The following NRG1 variants were observed in gnomAD, a reference collection of about 807,000 sequenced individuals.
The protein encoded by NRG1 is neuregulin 1, also known as pro-neuregulin-1, membrane-bound isoform.
A neutral mutation model predicts 63.8 loss-of-function variants in NRG1; 18 were observed. The observed-to-expected ratio is 0.28, with a 90% confidence interval of 0.19 to 0.42. The LOEUF (loss-of-function observed/expected upper bound fraction) is 0.42, where lower values mean the gene tolerates loss of function less well. Ranked by LOEUF, NRG1 falls within the 10% of genes least tolerant of loss-of-function variation. The pLI is 1.00. For synonymous variants in NRG1, 302 were observed against 301.3 expected, an observed-to-expected ratio of 1.00 and a Z score of -0.02; for missense variants, 762 against 814.7, an observed-to-expected ratio of 0.94 and a Z score of 0.79.
At chr8:31,768,655 G>A (rs1342686788) in intron 1 of NRG1, among the ~76,000 whole-genome samples, 1 of 152,104 alleles carries the variant, frequency 6.6e-6, no homozygotes, top group Non-Finnish European at 1.5e-5. Context: ...GATTTCTGGT[G>A]GAATTCCTTT....
intron 1 of NRG1, among the ~76,000 whole-genome samples, chr8:31,789,523 G>A (rs1820490324): frequency 6.6e-6 from 1 of 152,164 alleles, no homozygotes; most frequent in African/African-American, 2.4e-5. Flanking sequence ...GGATACTAGA[G>A]GCTGCCATGA....
intron 1 of NRG1, among the ~76,000 whole-genome samples, chr8:32,206,264 T>C (rs1844051213): frequency 6.6e-6 from 1 of 152,162 alleles, no homozygotes; most frequent in Non-Finnish European, 1.5e-5. Context: ...AGCCACAGGG[T>C]ATCCTACATT....
At chr8:32,207,700 A>G (rs559647515) in intron 1 of NRG1, among the ~76,000 whole-genome samples, 2 of 152,328 alleles carry the variant, frequency 1.3e-5, no homozygotes, top group South Asian at 2.1e-4. Flanking sequence ...AAAAAATCCA[A>G]TTAGACAGTT....
intron 5 of NRG1, among the ~76,000 whole-genome samples, chr8:32,691,764 G>GT (rs1266258133): frequency 6.6e-6 from 1 of 152,216 alleles, no homozygotes; most frequent in Admixed American, 6.5e-5. Flanking sequence ...TGATTAAGTA[G>GT]TTAAATTTGT....
intron 6 of NRG1, among the ~76,000 whole-genome samples, chr8:32,728,841 A>T (rs1373629934): frequency 6.6e-6 from 1 of 152,090 alleles, no homozygotes; most frequent in Non-Finnish European, 1.5e-5. Context: ...CGAGGCGGGC[A>T]GATCACGAGG....
chr8:32,763,129 C>T, intron 11 of NRG1: 1 of 1,321,640 alleles, frequency 7.6e-7, no homozygotes, highest in Non-Finnish European at 1.1e-6. Context: ...TAACTAGTTG[C>T]ATTTCATGGA....
Position 31,968,561 on chromosome 8 carries a change from T to C in NRG1, c.37+329130T>C, listed in dbSNP as rs1435539311. On this transcript the variant is annotated intron_variant, in intron 1 of 10. Transcript: ENST00000519301. ...ATTTGTTCCATGGATACCTCCAGCA[T>C]CTAGAACAGGACATGACATATAGTA... is the stretch of plus-strand genomic sequence containing the variant. 2.0e-5 allele frequency among the ~76,000 whole-genome samples: 3 copies of C among 152,172 alleles called. No homozygotes were observed. In the East Asian group the frequency reaches 5.8e-4, roughly 29 times the overall value.
chr8:32,086,386 C>G (rs1828224506), intron 1 of NRG1, among the ~76,000 whole-genome samples: 1 of 152,154 alleles, frequency 6.6e-6, no homozygotes, highest in South Asian at 2.1e-4. Flanking sequence ...CTATTTAGTT[C>G]CATACTTAGA....
intron 1 of NRG1, among the ~76,000 whole-genome samples, chr8:32,188,353 C>T (rs1410137029): frequency 6.6e-6 from 1 of 152,204 alleles, no homozygotes; most frequent in Non-Finnish European, 1.5e-5. Context: ...AGGCGTGAAC[C>T]ACTACGCCCA....
At chr8:32,273,348 C>A (rs79330585) in intron 1 of NRG1, among the ~76,000 whole-genome samples, 1,903 of 151,798 alleles carry the variant, frequency 0.013, 37 homozygotes, top group African/African-American at 0.043. Flanking sequence ...TTTTCTGGCA[C>A]AAAAACAATC....
chr8:32,353,959 T>C (rs941891606), intron 1 of NRG1, among the ~76,000 whole-genome samples: 12 of 152,208 alleles, frequency 7.9e-5, no homozygotes, highest in Admixed American at 7.9e-4. Context: ...AATTGCGGCA[T>C]ATACAGTGTA....
At chr8:32,132,846 A>G (rs920100508) in intron 1 of NRG1, among the ~76,000 whole-genome samples, 2 of 152,140 alleles carry the variant, frequency 1.3e-5, no homozygotes, top group African/African-American at 4.8e-5. Context: ...AAGCAGTTTA[A>G]TCATCCATCT....
intron 1 of NRG1, among the ~76,000 whole-genome samples, chr8:31,721,399 A>T (rs1306544299): frequency 1.3e-5 from 2 of 152,102 alleles, no homozygotes; most frequent in African/African-American, 2.4e-5. Context: ...CATAATTCCT[A>T]ATTTATCTGT....
intron 1 of NRG1, among the ~76,000 whole-genome samples, chr8:31,965,429 G>C (rs1171707683): frequency 1.3e-5 from 2 of 151,994 alleles, no homozygotes; most frequent in South Asian, 2.1e-4. Flanking sequence ...CACCATGTTG[G>C]CCAGGCTGGT....
chr8:32,036,544 T>C, intron 1 of NRG1, among the ~76,000 whole-genome samples: 1 of 152,178 alleles, frequency 6.6e-6, no homozygotes, highest in Non-Finnish European at 1.5e-5. Flanking sequence ...GATTCTGTTC[T>C]TCCTGTTTCT....
chr8:31,674,693 C>T (rs1388993722), intron 1 of NRG1, among the ~76,000 whole-genome samples: 6 of 152,134 alleles, frequency 3.9e-5, no homozygotes, highest in African/African-American at 1.2e-4. Flanking sequence ...AAACAGATTA[C>T]AGATGAATAT....
intron 1 of NRG1, chr8:31,639,933 G>C (rs989253551): frequency 5.4e-6 from 6 of 1,120,076 alleles, no homozygotes; most frequent in Admixed American, 1.0e-4. Context: ...CAGCGCGAGA[G>C]AGCCGGGCAG....
intron 9 of NRG1, among the ~76,000 whole-genome samples, chr8:32,757,149 A>AT (rs796242931): frequency 6.6e-6 from 1 of 152,122 alleles, no homozygotes; most frequent in Non-Finnish European, 1.5e-5. Flanking sequence ...TCATTAAAAT[A>AT]TTTTTTTCAT....
intron 1 of NRG1, among the ~76,000 whole-genome samples, chr8:32,145,584 A>T (rs1836786073): frequency 1.3e-5 from 2 of 152,182 alleles, no homozygotes; most frequent in Admixed American, 6.5e-5. Context: ...TGCTCTACTT[A>T]TGAGGAATTA....
Sources: gnomAD v4.1 joint callset for allele counts (sites outside exome capture counted in the v4.1 genomes callset) on GRCh38, gnomAD v4.1.1 for gene constraint, MANE v1.5 for transcripts, NCBI Gene and HGNC (gene_info 2026-07-23, HGNC 2026-07-21) for gene names.